Variants in PCDH11X observed in about 807,000 individuals in gnomAD.
The protein encoded by PCDH11X is protocadherin 11 X-linked, also known as protocadherin-11 X-linked.
Under a neutral mutation model 53.3 loss-of-function variants are expected in PCDH11X, and 18 were observed. The ratio of observed to expected loss-of-function variants is 0.34; its 90% CI spans 0.23 to 0.50. The LOEUF is 0.50. Ranked by LOEUF, PCDH11X falls within the 20% of genes least tolerant of loss-of-function variation. The pLI, the probability that PCDH11X is intolerant of heterozygous loss-of-function variation, is 0.98. For synonymous variants in PCDH11X, 279 were observed against 393.3 expected (o/e 0.71, Z 3.44); for missense variants, 570 against 1,032.4 (o/e 0.55, Z 6.14).
At chrX:92,230,633 G>A (rs1385961911) in intron 7 of PCDH11X, among the ~76,000 whole-genome samples, 1 of 96,045 alleles carries the variant, frequency 1.0e-5, no homozygotes, top group Non-Finnish European at 2.0e-5. Context: ...CTGCTGAAAG[G>A]CAATTGCCTT....
intron 8 of PCDH11X, among the ~76,000 whole-genome samples, chrX:92,385,604 A>G (rs2984110): frequency 0.44 from 47,309 of 107,484 alleles, 8,298 homozygotes; most frequent in Non-Finnish European, 0.49. Context: ...GGAGGCCTAG[A>G]TGGGTGGATT....
At chrX:92,374,078 G>A (rs1569476604) in intron 8 of PCDH11X, among the ~76,000 whole-genome samples, 1 of 106,693 alleles carries the variant, frequency 9.4e-6, no homozygotes, top group African/African-American at 3.4e-5. Flanking sequence ...TTGTTTTGAA[G>A]TTTTTATATA....
chrX:92,484,580 A>T (rs770294976), intron 10 of PCDH11X, among the ~76,000 whole-genome samples: 1 of 109,904 alleles, frequency 9.1e-6, no homozygotes, highest in South Asian at 3.8e-4. Context: ...TGGCATTTGC[A>T]GCAGCCCGGA....
At chrX:91,805,895 T>A (rs1315236578) in intron 1 of PCDH11X, among the ~76,000 whole-genome samples, 2 of 109,115 alleles carry the variant, frequency 1.8e-5, no homozygotes, top group African/African-American at 6.7e-5. Flanking sequence ...CCACCTCAAA[T>A]AAAAAGAAAA....
chrX:92,248,485 A>G (rs2067394206), intron 7 of PCDH11X, among the ~76,000 whole-genome samples: 1 of 111,023 alleles, frequency 9.0e-6, no homozygotes, highest in African/African-American at 3.3e-5. Flanking sequence ...TATGGGGTAC[A>G]TGTGATATTT....
chrX:91,829,627 C>G (rs1937044494), intron 4 of PCDH11X, among the ~76,000 whole-genome samples: 1 of 111,011 alleles, frequency 9.0e-6, no homozygotes, highest in African/African-American at 3.3e-5. Flanking sequence ...CTTTCTGTTT[C>G]TTTCTCTTTT....
At chrX:92,058,385 A>G (rs1483707590) in intron 6 of PCDH11X, among the ~76,000 whole-genome samples, 2 of 110,498 alleles carry the variant, frequency 1.8e-5, no homozygotes, top group Non-Finnish European at 3.8e-5. Flanking sequence ...AAACCTGCAC[A>G]TGTACCTTCT....
At chrX:91,882,481 A>G (rs1198965728) in intron 6 of PCDH11X, among the ~76,000 whole-genome samples, 11 of 111,741 alleles carry the variant, frequency 9.8e-5, no homozygotes, top group Non-Finnish European at 7.5e-5. Flanking sequence ...TTAAAAAAAT[A>G]GAGAGGAGAA....
chrX:92,589,457 A>G (rs2148795873), intron 10 of PCDH11X, among the ~76,000 whole-genome samples: 1 of 111,998 alleles, frequency 8.9e-6, no homozygotes, highest in East Asian at 2.8e-4. Flanking sequence ...AAGTTAAAGC[A>G]TATAATCTTT....
chrX:92,136,649 C>A (rs1220760748), intron 6 of PCDH11X, among the ~76,000 whole-genome samples: 1 of 102,949 alleles, frequency 9.7e-6, no homozygotes, highest in Non-Finnish European at 2.0e-5. Context: ...CATGATGGGG[C>A]CCCATGAAGC....
chrX:91,824,048 T>C (rs1936808220), intron 4 of PCDH11X, among the ~76,000 whole-genome samples: 1 of 111,742 alleles, frequency 8.9e-6, no homozygotes. Context: ...AGATCCGCTG[T>C]TAGTCTGATG....
chrX:91,984,780 TC>T (rs1422661661), intron 6 of PCDH11X, among the ~76,000 whole-genome samples: 1 of 111,653 alleles, frequency 9.0e-6, no homozygotes, highest in Non-Finnish European at 1.9e-5. Context: ...TAGGCATAGT[TC>T]CTTGGAATCT....
chrX:92,562,628 T>G (rs1485617823), intron 10 of PCDH11X, among the ~76,000 whole-genome samples: 4 of 109,367 alleles, frequency 3.7e-5, no homozygotes, highest in Non-Finnish European at 7.6e-5. Context: ...CTCCCACATA[T>G]GAACACAGGC....
chrX:92,223,836 A>G (rs971833286), intron 7 of PCDH11X, among the ~76,000 whole-genome samples: 6 of 111,434 alleles, frequency 5.4e-5, no homozygotes, highest in South Asian at 3.8e-4. Flanking sequence ...AATGTAACTT[A>G]CACCATATAT....
intron 9 of PCDH11X, among the ~76,000 whole-genome samples, chrX:92,456,024 C>T (rs1359179361): frequency 1.8e-5 from 2 of 111,869 alleles, no homozygotes; most frequent in Admixed American, 9.6e-5. Flanking sequence ...AAAATCATTT[C>T]GGAAAGTTTT....
intron 7 of PCDH11X, among the ~76,000 whole-genome samples, chrX:92,253,933 CT>C (rs1258850820): frequency 8.9e-6 from 1 of 111,895 alleles, no homozygotes; most frequent in African/African-American, 3.2e-5. Context: ...TTATTTCTTT[CT>C]CTTGTCTGAT....
chrX:92,577,940 AG>A (rs1284759042), intron 10 of PCDH11X, among the ~76,000 whole-genome samples: 2 of 107,949 alleles, frequency 1.9e-5, no homozygotes, highest in African/African-American at 6.8e-5. Context: ...CTTGCTGAGG[AG>A]TATTTTACTT....
intron 10 of PCDH11X, among the ~76,000 whole-genome samples, chrX:92,611,112 G>GTT (rs112023877): frequency 3.0e-5 from 3 of 100,296 alleles, no homozygotes; most frequent in African/African-American, 1.1e-4. Context: ...TTTTAGAACA[G>GTT]TTTTTTTTTT....
intron 6 of PCDH11X, among the ~76,000 whole-genome samples, chrX:91,900,883 C>T (rs1940926977): frequency 9.0e-6 from 1 of 111,576 alleles, no homozygotes; most frequent in Non-Finnish European, 1.9e-5. Context: ...GAAACTGAGA[C>T]AGCTTTCAGT....
Sources: allele counts gnomAD v4.1 joint callset (sites outside exome capture counted in the v4.1 genomes callset), GRCh38; gene constraint gnomAD v4.1.1; transcripts MANE v1.5; gene names NCBI Gene and HGNC (gene_info 2026-07-23, HGNC 2026-07-21).